The following CEP112 variants were observed in gnomAD, a reference collection of about 807,000 sequenced individuals.
CEP112 encodes the protein centrosomal protein of 112 kDa.
CEP112 carries 127 observed loss-of-function variants against 153.0 expected under a neutral mutation model. That is an observed-to-expected ratio of 0.83 (90% confidence interval 0.72 to 0.96). The LOEUF (loss-of-function observed/expected upper bound fraction) is 0.96, where lower values mean the gene tolerates loss of function less well. CEP112 is among the 40% of genes least tolerant of loss of function. CEP112 has a pLI of 0.00. For missense variants in CEP112, 1,089 were observed against 1,101.2 expected (o/e 0.99, Z 0.16); for synonymous variants, 358 against 374.4 (o/e 0.96, Z 0.51).
At chr17:66,129,239 T>C (rs962029681) in intron 6 of CEP112, among the ~76,000 whole-genome samples, 4 of 152,124 alleles carry the variant, frequency 2.6e-5, no homozygotes, top group Admixed American at 6.6e-5. Flanking sequence ...GACAGCTCAC[T>C]TACCCCACTA....
At chr17:65,741,954 G>T (rs187364013) in intron 23 of CEP112, among the ~76,000 whole-genome samples, 1 of 150,124 alleles carries the variant, frequency 6.7e-6, no homozygotes, top group Admixed American at 6.6e-5. Context: ...TTATAACACA[G>T]GTAGGGGAAA....
intron 21 of CEP112, among the ~76,000 whole-genome samples, chr17:65,791,069 T>TG (rs541090860): frequency 3.3e-5 from 5 of 149,438 alleles, no homozygotes; most frequent in African/African-American, 1.2e-4. Flanking sequence ...CATATGATTT[T>TG]GGGGGGGATT....
At chr17:66,013,886 A>G (rs2145546001) in intron 16 of CEP112, among the ~76,000 whole-genome samples, 1 of 151,998 alleles carries the variant, frequency 6.6e-6, no homozygotes, top group South Asian at 2.1e-4. Context: ...GTGTTGGCAT[A>G]GCAGTGGATT....
At chr17:66,188,274 ACC>A (rs2073012419) in intron 1 of CEP112, among the ~76,000 whole-genome samples, 3 of 125,356 alleles carry the variant, frequency 2.4e-5, no homozygotes, top group Non-Finnish European at 3.3e-5. Flanking sequence ...TGTCTCTCAC[ACC>A]ACACACACAA....
At chr17:66,007,612 C>T (rs1360749097) in intron 16 of CEP112, among the ~76,000 whole-genome samples, 1 of 151,932 alleles carries the variant, frequency 6.6e-6, no homozygotes, top group East Asian at 1.9e-4. Flanking sequence ...TCAGATATGA[C>T]CTAATACAAA....
At chr17:65,990,272 C>T (rs1032616194) in intron 17 of CEP112, among the ~76,000 whole-genome samples, 2 of 152,128 alleles carry the variant, frequency 1.3e-5, no homozygotes, top group African/African-American at 4.8e-5. Flanking sequence ...TTCTTCCCCT[C>T]AACAGAAACA....
At chr17:65,725,645 C>A (rs2050137245) in intron 23 of CEP112, among the ~76,000 whole-genome samples, 1 of 152,104 alleles carries the variant, frequency 6.6e-6, no homozygotes, top group African/African-American at 2.4e-5. Flanking sequence ...AAGATATACC[C>A]AAGACTGGGA....
intron 6 of CEP112, 28 bp from the exon 7 acceptor site, chr17:66,096,660 A>G: frequency 1.4e-6 from 2 of 1,403,224 alleles, no homozygotes; most frequent in Admixed American, 1.8e-5. Flanking sequence ...AAACAAAATA[A>G]GGATTTATTA....
intron 4 of CEP112, among the ~76,000 whole-genome samples, chr17:66,138,279 A>G (rs759106892): frequency 2.6e-5 from 4 of 152,190 alleles, no homozygotes; most frequent in Admixed American, 6.5e-5. Flanking sequence ...TGGTCAGGCA[A>G]TCATGATAGG....
At chr17:66,134,387 A>C (rs953420804) in intron 4 of CEP112, among the ~76,000 whole-genome samples, 1 of 152,196 alleles carries the variant, frequency 6.6e-6, no homozygotes, top group Admixed American at 6.5e-5. Context: ...AATCAACTAC[A>C]GTATGACTTG....
chr17:65,920,760 T>C (rs961696885), intron 19 of CEP112, among the ~76,000 whole-genome samples: 4 of 151,992 alleles, frequency 2.6e-5, no homozygotes, highest in African/African-American at 9.7e-5. Context: ...TGACCTGAAA[T>C]GTAAACAATA....
chr17:65,993,422 A>G (rs934637974), intron 17 of CEP112, among the ~76,000 whole-genome samples: 1 of 152,176 alleles, frequency 6.6e-6, no homozygotes, highest in Non-Finnish European at 1.5e-5. Context: ...GTATCTTTGT[A>G]ATAGAATGAT....
intron 9 of CEP112, 104 bp downstream of exon 9, chr17:66,069,811 T>C: frequency 1.6e-6 from 1 of 629,090 alleles, no homozygotes; most frequent in Non-Finnish European, 2.7e-6. Context: ...CATAAATAAG[T>C]GGATGGATGG....
chr17:66,055,429 T>C (rs1043909729), intron 11 of CEP112, among the ~76,000 whole-genome samples: 3 of 152,190 alleles, frequency 2.0e-5, no homozygotes, highest in Non-Finnish European at 4.4e-5. Context: ...AGGTCTGTTG[T>C]TCAAAAGTGA....
At chr17:65,728,277 T>C (rs2050296586) in intron 23 of CEP112, among the ~76,000 whole-genome samples, 1 of 152,146 alleles carries the variant, frequency 6.6e-6, no homozygotes, top group Admixed American at 6.5e-5. Flanking sequence ...AAAAACACTG[T>C]GGAATTTGGA....
intron 4 of CEP112, among the ~76,000 whole-genome samples, chr17:66,134,744 A>T (rs2070360794): frequency 6.6e-6 from 1 of 152,142 alleles, no homozygotes; most frequent in South Asian, 2.1e-4. Context: ...ACTTGAGACC[A>T]GCGGGAGGTT....
chr17:65,787,089 A>G (rs1220173653), intron 21 of CEP112, among the ~76,000 whole-genome samples: 1 of 152,204 alleles, frequency 6.6e-6, no homozygotes, highest in East Asian at 1.9e-4. Context: ...CCAGTGCCAA[A>G]CTACTAACGT....
intron 6 of CEP112, among the ~76,000 whole-genome samples, chr17:66,117,096 A>T (rs2069335275): frequency 6.6e-6 from 1 of 152,008 alleles, no homozygotes; most frequent in South Asian, 2.1e-4. Context: ...GGGTTTCACC[A>T]TGTTGGCCAG....
intron 19 of CEP112, among the ~76,000 whole-genome samples, chr17:65,920,823 T>C (rs2060699801): frequency 6.6e-6 from 1 of 152,046 alleles, no homozygotes; most frequent in Admixed American, 6.6e-5. Flanking sequence ...GGCACCACAC[T>C]CCCCTTATCT....
Sources: allele counts gnomAD v4.1 joint callset (sites outside exome capture counted in the v4.1 genomes callset), GRCh38; gene constraint gnomAD v4.1.1; transcripts MANE v1.5; gene names NCBI Gene and HGNC (gene_info 2026-07-23, HGNC 2026-07-21).